Variants in CSNK2A2 observed in about 807,000 individuals in gnomAD.
CSNK2A2 encodes the protein casein kinase 2 alpha 2.
CSNK2A2 carries 8 observed loss-of-function variants against 54.0 expected under a neutral mutation model. The ratio of observed to expected loss-of-function variants is 0.15; its 90% CI spans 0.09 to 0.27. The LOEUF (loss-of-function observed/expected upper bound fraction) is 0.27. Ranked by LOEUF, CSNK2A2 falls within the 10% of genes least tolerant of loss-of-function variation. The pLI is 1.00. For synonymous variants in CSNK2A2, 141 were observed against 153.9 expected (o/e 0.92, Z 0.62); for missense variants, 242 against 439.4 (o/e 0.55, Z 4.02).
intron 9 of CSNK2A2, 91 bp downstream of exon 9, chr16:58,166,493 A>C: frequency 2.5e-6 from 2 of 812,034 alleles, no homozygotes; most frequent in Non-Finnish European, 4.1e-6. Flanking sequence ...ATTTTACTAT[A>C]ATCAGAATGG....
At position 58,197,154 on chromosome 16, in the gene CSNK2A2, T is replaced by C. The variant is rs747409978; in HGVS notation, c.105-310A>G. Reference sequence around the variant, plus strand: ...GAGGGTGCCCCCTGTGCCCCGCGGCTCCCCAGCACCTGCTTCTCGTTTCAC... The same window carrying C: ...GAGGGTGCCCCCTGTGCCCCGCGGCCCCCCAGCACCTGCTTCTCGTTTCAC... On this transcript the variant is annotated intron_variant, in intron 1 of 11. Transcript: ENST00000262506. The surrounding 1 kb of genome is among the most constrained non-coding windows in gnomAD (Gnocchi z 4.0). The C allele has an allele frequency of 7.9e-5, 28 of 355,514 alleles. No homozygotes were observed. The highest frequency in any genetic ancestry group is 1.2e-4 in the Non-Finnish European group (22 of 189,920). 22.0% of individuals were successfully genotyped at this position (355,514 alleles called of 1,614,324 possible). A position where few individuals can be genotyped will look rare whatever the true frequency, so the allele number is the denominator to read the frequency against.
intron 5 of CSNK2A2, among the ~76,000 whole-genome samples, chr16:58,171,269 A>G (rs778730594): frequency 1.3e-5 from 2 of 152,098 alleles, no homozygotes; most frequent in African/African-American, 2.4e-5. Flanking sequence ...TCACGCCTGT[A>G]ATCCCAGCAG....
chr16:58,163,569 TA>T (rs113991704), intron 11 of CSNK2A2: 204 of 149,834 alleles, frequency 1.4e-3, no homozygotes, highest in African/African-American at 2.0e-3. Flanking sequence ...GTAAAGAGCT[TA>T]AAAAAAAAAT....
intron 3 of CSNK2A2, among the ~76,000 whole-genome samples, chr16:58,184,841 T>C (rs78343718): frequency 0.012 from 1,836 of 152,278 alleles, 15 homozygotes; most frequent in Non-Finnish European, 0.019. Context: ...CATAGGTCTT[T>C]TGGGGGTCCA....
intron 4 of CSNK2A2, among the ~76,000 whole-genome samples, chr16:58,181,112 T>A (rs1237355599): frequency 6.6e-6 from 1 of 152,128 alleles, no homozygotes; most frequent in Non-Finnish European, 1.5e-5. Flanking sequence ...ATCAAACACC[T>A]CTGCTCTACC....
chr16:58,167,033 C>T (rs1763820742), intron 8 of CSNK2A2, among the ~76,000 whole-genome samples, 174 bp downstream of exon 8: 1 of 152,178 alleles, frequency 6.6e-6, no homozygotes, highest in Non-Finnish European at 1.5e-5. Flanking sequence ...TTATCTGCCT[C>T]TACTTCTGCG....
At chr16:58,175,376 T>G (rs536285757) in intron 4 of CSNK2A2, among the ~76,000 whole-genome samples, 2 of 152,354 alleles carry the variant, frequency 1.3e-5, no homozygotes, top group South Asian at 4.1e-4. Flanking sequence ...CCATGCTTTC[T>G]ATAAAATTAA....
At chr16:58,171,975 ATATATT>A (rs1396074218) in intron 5 of CSNK2A2, among the ~76,000 whole-genome samples, 1,585 of 35,810 alleles carry the variant, frequency 0.044, 13 homozygotes, top group Middle Eastern at 0.068. Context: ...ATATATATAT[ATATATT>A]TTTTTTTTTT....
intron 11 of CSNK2A2, chr16:58,162,983 C>G (rs564236321): frequency 1.3e-5 from 2 of 152,030 alleles, no homozygotes; most frequent in Non-Finnish European, 2.9e-5. Context: ...TATCACATAT[C>G]AGAACTTACA....
At chr16:58,165,527 A>T in intron 10 of CSNK2A2, 33 bp downstream of exon 10, 1 of 1,569,524 alleles carries the variant, frequency 6.4e-7, no homozygotes, top group Non-Finnish European at 8.6e-7. Flanking sequence ...TCTTGACTGA[A>T]TTACTCCCTG....
intron 2 of CSNK2A2, among the ~76,000 whole-genome samples, chr16:58,191,783 C>T (rs1254305377): frequency 1.3e-5 from 2 of 152,174 alleles, no homozygotes; most frequent in African/African-American, 4.8e-5. Context: ...TAACATCACT[C>T]GCATGACCCA....
chr16:58,165,066 C>T (rs1961528365), intron 10 of CSNK2A2, among the ~76,000 whole-genome samples: 1 of 152,194 alleles, frequency 6.6e-6, no homozygotes, highest in African/African-American at 2.4e-5. Flanking sequence ...AGTGAATCCA[C>T]ACACACTTCT....
At chr16:58,161,290 A>G (rs1961346070) in intron 11 of CSNK2A2, 1 of 152,234 alleles carries the variant, frequency 6.6e-6, no homozygotes, top group Admixed American at 6.5e-5. Flanking sequence ...TACCAGGTCT[A>G]TGTTCTTGAA....
chr16:58,183,018 C>T (rs1388676249), intron 4 of CSNK2A2, among the ~76,000 whole-genome samples: 2 of 152,168 alleles, frequency 1.3e-5, no homozygotes, highest in Middle Eastern at 3.4e-3. Flanking sequence ...TCTTCTTTTG[C>T]TTACTTTTCA....
At chr16:58,173,832 A>T (rs1301405746) in intron 5 of CSNK2A2, among the ~76,000 whole-genome samples, 1 of 152,118 alleles carries the variant, frequency 6.6e-6, no homozygotes, top group South Asian at 2.1e-4. Flanking sequence ...TGGCCATGTG[A>T]TTTGCTTTGG....
intron 4 of CSNK2A2, among the ~76,000 whole-genome samples, chr16:58,182,771 C>T (rs1473165738): frequency 6.6e-6 from 1 of 152,146 alleles, no homozygotes; most frequent in African/African-American, 2.4e-5. Flanking sequence ...CACACACATT[C>T]CCACTCACAT....
chr16:58,174,166 T>C (rs1961815234), intron 5 of CSNK2A2: 1 of 265,124 alleles, frequency 3.8e-6, no homozygotes, highest in South Asian at 1.2e-4. Context: ...TCACAGTAGG[T>C]ATTAATAAAG....
intron 2 of CSNK2A2, among the ~76,000 whole-genome samples, chr16:58,191,380 T>C (rs1287139471): frequency 1.3e-5 from 2 of 152,190 alleles, no homozygotes; most frequent in East Asian, 3.8e-4. Flanking sequence ...TATTTTTTTT[T>C]AGACGAGTTT....
intron 4 of CSNK2A2, among the ~76,000 whole-genome samples, chr16:58,179,050 T>C (rs1961955130): frequency 6.6e-6 from 1 of 152,198 alleles, no homozygotes; most frequent in African/African-American, 2.4e-5. Context: ...TTAGATGGCA[T>C]TATTGTATAA....
Sources: gnomAD v4.1 joint callset for allele counts (sites outside exome capture counted in the v4.1 genomes callset) on GRCh38, gnomAD v4.1.1 for gene constraint, Gnocchi (gnomAD v3.1) non-coding constraint, MANE v1.5 for transcripts, NCBI Gene and HGNC (gene_info 2026-07-23, HGNC 2026-07-21) for gene names.